The following TMEM232 variants were observed in gnomAD, a reference collection of about 807,000 sequenced individuals.
TMEM232 encodes the protein transmembrane protein 232.
TMEM232 carries 80 observed loss-of-function variants against 78.8 expected under a neutral mutation model. The observed-to-expected ratio is 1.01, with a 90% CI of 0.85 to 1.22. The LOEUF (loss-of-function observed/expected upper bound fraction) is 1.22, where lower values mean the gene tolerates loss of function less well. Among genes scored for constraint, TMEM232 ranks in the 50% most tolerant of loss-of-function variants. The pLI is 0.00. For synonymous variants in TMEM232, 297 were observed against 254.3 expected, an observed-to-expected ratio of 1.17 and a Z score of -1.60; for missense variants, 881 against 742.2, an observed-to-expected ratio of 1.19 and a Z score of -2.17.
At chr5:110,619,516 A>C (rs1372825824) in intron 7 of TMEM232, among the ~76,000 whole-genome samples, 1 of 152,194 alleles carries the variant, frequency 6.6e-6, no homozygotes. Flanking sequence ...ATCTGTACAA[A>C]GCTACTGATT....
At position 110,618,536 on chromosome 5, in the gene TMEM232, G is replaced by C; in HGVS notation, c.795C>G (p.Leu265=). Residue 265 remains leucine, a synonymous_variant, in exon 8 of 14, where the codon CTC becomes CTG. Coordinates refer to ENST00000455884, the MANE Select transcript of TMEM232 (RefSeq NM_001039763.4). ...AAGACCAAGCAGCAACACAGTGCCA[G>C]AGCAGGTGGTTAATTTCATATCCTC... ...DMGGYEINHL[L]WHCVAAWSCV... is the part of the protein sequence containing the mutation. The C allele has an allele frequency of 4.5e-6, 7 of 1,549,586 alleles. No individual in the cohort carries two copies. Among genetic ancestry groups the C allele is most frequent in the Non-Finnish European group, 6.1e-6 (7 of 1,146,382 alleles).
At chr5:110,605,085 C>T in intron 10 of TMEM232, 24 bp downstream of exon 10, 1 of 1,506,992 alleles carries the variant, frequency 6.6e-7, no homozygotes, top group Non-Finnish European at 8.9e-7. Context: ...TATTACTCAT[C>T]AAAGTAAAAA....
intron 2 of TMEM232, among the ~76,000 whole-genome samples, chr5:110,662,276 T>G (rs532696900): frequency 6.6e-6 from 1 of 152,080 alleles, no homozygotes; most frequent in Non-Finnish European, 1.5e-5. Context: ...AATCTAACAA[T>G]GCCTCTGTGA....
rs573657072 is a variant in TMEM232, at chr5:110,420,503, G to A, written c.*77C>T. ...GACAAGAAAGTTCTCTTACTATGTA[G>A]CTATCTTGGTATTTTTCATCCTATG... On this transcript the variant is annotated 3_prime_UTR_variant, in exon 14 of 14. Coordinates refer to ENST00000455884, the MANE Select transcript of TMEM232 (RefSeq NM_001039763.4). 90 of 893,756 alleles carry A rather than the reference G, an allele frequency of 1.0e-4. No homozygotes were observed. In the African/African-American group the frequency reaches 1.2e-3, roughly 12 times the overall value. 55.4% of individuals were successfully genotyped at this position (893,756 alleles called of 1,614,324 possible). A position where few individuals can be genotyped will look rare whatever the true frequency, so the allele number is the denominator to read the frequency against.
rs374083444 is a variant in TMEM232 at position 110,568,415 on chromosome 5, G to A, written c.1455+32C>T. On this transcript the variant is annotated intron_variant, in intron 11 of 13. Transcript: ENST00000455884. ...ACAACCGTGCTTCCTAATGATAGAT[G>A]TACATATTTATTGCCCAGTGTTTTA... 220 of 1,496,408 alleles carry A rather than the reference G, an allele frequency of 1.5e-4. No individual in the cohort carries two copies. In the African/African-American group the frequency reaches 2.8e-3, roughly 19 times the overall value. The allele number at this position is 1,496,408 out of a possible 1,614,324, so 92.7% of individuals were successfully genotyped here.
upstream of TMEM232, chr5:110,738,904 C>T (rs1799501825): frequency 2.3e-6 from 3 of 1,296,258 alleles, no homozygotes; most frequent in Non-Finnish European, 3.1e-6. Flanking sequence ...GTCCAGGTTA[C>T]CGCCGCGTCT....
intron 1 of TMEM232, among the ~76,000 whole-genome samples, chr5:110,715,982 T>G (rs1027062794): frequency 1.3e-5 from 2 of 152,132 alleles, no homozygotes; most frequent in Non-Finnish European, 2.9e-5. Context: ...AGAAAATTTT[T>G]AAATCTACCT....
chr5:110,642,002 A>T (rs1786800758), intron 3 of TMEM232, among the ~76,000 whole-genome samples: 2 of 152,126 alleles, frequency 1.3e-5, no homozygotes, highest in South Asian at 4.1e-4. Flanking sequence ...TATAATTTTC[A>T]TAATCAAAAA....
chr5:110,738,122 C>T, upstream of TMEM232: 2 of 895,870 alleles, frequency 2.2e-6, no homozygotes, highest in Non-Finnish European at 3.0e-6. Flanking sequence ...TCAGAGTTCT[C>T]TTGGAAAAGC....
chr5:110,691,924 G>GT (rs1554079388), intron 1 of TMEM232, among the ~76,000 whole-genome samples: 1 of 151,972 alleles, frequency 6.6e-6, no homozygotes, highest in Admixed American at 6.6e-5. Context: ...TCTTTTGTTT[G>GT]TTTTTTGTTT....
At chr5:110,516,293 G>T (rs1561606233) in intron 12 of TMEM232, among the ~76,000 whole-genome samples, 1 of 152,134 alleles carries the variant, frequency 6.6e-6, no homozygotes, top group Non-Finnish European at 1.5e-5. Flanking sequence ...ATAAAGTTTT[G>T]TTAATGTTCT....
chr5:110,544,099 A>G (rs1025782891), intron 11 of TMEM232, among the ~76,000 whole-genome samples: 1 of 152,136 alleles, frequency 6.6e-6, no homozygotes, highest in Non-Finnish European at 1.5e-5. Context: ...ATTTATTTAC[A>G]TTTTAATTAT....
chr5:110,726,176 C>CAA (rs1611081), intron 1 of TMEM232, among the ~76,000 whole-genome samples: 147,759 of 151,478 alleles, frequency 0.98, 72,147 homozygotes, highest in Non-Finnish European at 1. Flanking sequence ...TTTTGAAGTC[C>CAA]AAGAGTCTTC....
At chr5:110,480,284 T>C (rs1424160403) in intron 12 of TMEM232, among the ~76,000 whole-genome samples, 1 of 151,976 alleles carries the variant, frequency 6.6e-6, no homozygotes, top group African/African-American at 2.4e-5. Flanking sequence ...ATTTTTTATA[T>C]TCATCTTTTA....
chr5:110,584,235 T>C (rs72771436), intron 10 of TMEM232, among the ~76,000 whole-genome samples: 13,774 of 151,930 alleles, frequency 0.091, 640 homozygotes, highest in Admixed American at 0.12. Flanking sequence ...ATAGTCAAGA[T>C]ACGGAAACAA....
At chr5:110,564,735 T>C (rs1461409032) in intron 11 of TMEM232, among the ~76,000 whole-genome samples, 1 of 151,906 alleles carries the variant, frequency 6.6e-6, no homozygotes, top group Admixed American at 6.6e-5. Flanking sequence ...TTCCCAAAAA[T>C]CAACTCTTCT....
chr5:110,587,795 C>T (rs749314727), intron 10 of TMEM232, among the ~76,000 whole-genome samples: 60 of 134,620 alleles, frequency 4.5e-4, no homozygotes, highest in Non-Finnish European at 7.9e-4. Flanking sequence ...GTCAATTATA[C>T]CTCAATAAAA....
At chr5:110,547,815 T>C (rs1209209429) in intron 11 of TMEM232, among the ~76,000 whole-genome samples, 1 of 151,776 alleles carries the variant, frequency 6.6e-6, no homozygotes, top group Non-Finnish European at 1.5e-5. Flanking sequence ...CTGTCCGGCA[T>C]GGTGAAATCC....
downstream of TMEM232, among the ~76,000 whole-genome samples, chr5:110,419,397 G>T (rs1471017674): frequency 1.3e-5 from 2 of 152,080 alleles, no homozygotes; most frequent in African/African-American, 4.8e-5. Flanking sequence ...CTTAAACAAA[G>T]AATGATACTT....
Sources: gnomAD v4.1 joint callset for allele counts (sites outside exome capture counted in the v4.1 genomes callset) on GRCh38, gnomAD v4.1.1 for gene constraint, MANE v1.5 for transcripts, NCBI Gene and HGNC (gene_info 2026-07-23, HGNC 2026-07-21) for gene names.